Variants in SNTG1 observed in about 807,000 individuals in gnomAD.
The protein encoded by SNTG1 is gamma-1-syntrophin.
Under a neutral mutation model 74.7 loss-of-function variants are expected in SNTG1, and 39 were observed. The ratio of observed to expected loss-of-function variants is 0.52; its 90% CI spans 0.40 to 0.68. The LOEUF is 0.68. Ranked by LOEUF, SNTG1 falls within the 30% of genes least tolerant of loss-of-function variation. The pLI is 0.00. For synonymous variants in SNTG1, 254 were observed against 217.1 expected (o/e 1.17, Z -1.49); for missense variants, 685 against 609.5 (o/e 1.12, Z -1.30).
Position 50,553,198 on chromosome 8 carries a change from A to C in SNTG1, c.810+19A>C, listed in dbSNP as rs111484418. ...GCACAATGTAAGTAATGATTCAAGG[A>C]ATACCTAGCCAGGGTTTCTCAGGCT... is the stretch of plus-strand genomic sequence containing the variant. On this transcript the variant is annotated intron_variant, in intron 12 of 18. Transcript: ENST00000642720. The C allele has an allele frequency of 6.2e-7, 1 of 1,613,354 alleles. No individual in the cohort carries two copies. The highest frequency in any genetic ancestry group is 1.1e-5 in the South Asian group (1 of 91,062).
At chr8:50,434,369 T>C (rs1008747352) in intron 4 of SNTG1, among the ~76,000 whole-genome samples, 1 of 152,220 alleles carries the variant, frequency 6.6e-6, no homozygotes, top group African/African-American at 2.4e-5. Context: ...TGTGTCTTTA[T>C]AGCAGCATGA....
intron 1 of SNTG1, among the ~76,000 whole-genome samples, chr8:49,941,417 C>T (rs941294491): frequency 6.7e-5 from 10 of 149,848 alleles, no homozygotes; most frequent in African/African-American, 2.4e-4. Context: ...CTGACTTTTC[C>T]TCTGAAATTC....
chr8:50,610,875 A>G (rs1391137524), intron 13 of SNTG1, among the ~76,000 whole-genome samples: 1 of 152,010 alleles, frequency 6.6e-6, no homozygotes, highest in East Asian at 1.9e-4. Context: ...TTCCCAAATC[A>G]TTGTTCGTGA....
intron 2 of SNTG1, among the ~76,000 whole-genome samples, chr8:50,326,627 T>C (rs1337576328): frequency 1.3e-5 from 2 of 151,954 alleles, no homozygotes; most frequent in African/African-American, 4.8e-5. Flanking sequence ...ACTAATTTTA[T>C]TGATCTTTTC....
intron 15 of SNTG1, among the ~76,000 whole-genome samples, chr8:50,689,507 A>G (rs1417601081): frequency 2.0e-5 from 3 of 152,112 alleles, no homozygotes; most frequent in Non-Finnish European, 4.4e-5. Context: ...TGAGATAATC[A>G]TGTGGTTTTT....
intron 1 of SNTG1, among the ~76,000 whole-genome samples, chr8:50,042,720 C>T (rs1006575004): frequency 2.6e-5 from 4 of 151,482 alleles, no homozygotes; most frequent in African/African-American, 9.7e-5. Flanking sequence ...ACATGCCTGG[C>T]TAATTGACTT....
chr8:50,331,576 T>C (rs1370567402), intron 2 of SNTG1, among the ~76,000 whole-genome samples: 1 of 152,128 alleles, frequency 6.6e-6, no homozygotes, highest in East Asian at 1.9e-4. Flanking sequence ...CGAGAAGCCA[T>C]TGGCAATATT....
intron 1 of SNTG1, among the ~76,000 whole-genome samples, chr8:49,928,629 G>C (rs1371524183): frequency 6.6e-6 from 1 of 152,052 alleles, no homozygotes; most frequent in Non-Finnish European, 1.5e-5. Context: ...GAGCTATACA[G>C]GAACTCTCTG....
intron 1 of SNTG1, among the ~76,000 whole-genome samples, chr8:50,137,984 C>T (rs999010578): frequency 2.0e-5 from 3 of 152,160 alleles, no homozygotes; most frequent in African/African-American, 7.2e-5. Flanking sequence ...TCAGCCTTTC[C>T]ATTAATTATG....
At chr8:50,757,342 T>C (rs961234975) in intron 18 of SNTG1, among the ~76,000 whole-genome samples, 6 of 151,874 alleles carry the variant, frequency 4.0e-5, no homozygotes, top group African/African-American at 1.4e-4. Context: ...AGTTTAGCCT[T>C]ACATATTTGT....
chr8:50,157,516 C>A (rs1159243626), intron 1 of SNTG1, among the ~76,000 whole-genome samples: 3 of 151,968 alleles, frequency 2.0e-5, no homozygotes, highest in African/African-American at 7.3e-5. Context: ...ATTCAACACA[C>A]AATTAAAAAC....
intron 2 of SNTG1, among the ~76,000 whole-genome samples, chr8:50,281,823 G>C (rs545623474): frequency 1.3e-5 from 2 of 152,236 alleles, no homozygotes; most frequent in African/African-American, 4.8e-5. Context: ...AGCAAGAGTA[G>C]CAATTGAACG....
intron 2 of SNTG1, among the ~76,000 whole-genome samples, chr8:50,182,639 T>C (rs1418223967): frequency 6.6e-6 from 1 of 152,178 alleles, no homozygotes; most frequent in Non-Finnish European, 1.5e-5. Flanking sequence ...TCTGTGTGTG[T>C]GCGTGTGTGT....
intron 2 of SNTG1, among the ~76,000 whole-genome samples, chr8:50,303,270 A>C (rs1390704036): frequency 8.5e-5 from 13 of 152,142 alleles, no homozygotes; most frequent in Admixed American, 8.5e-4. Flanking sequence ...ACTGACTTTT[A>C]ATCACAACAT....
chr8:50,405,814 G>A (rs778216896), intron 4 of SNTG1, among the ~76,000 whole-genome samples: 4 of 151,924 alleles, frequency 2.6e-5, no homozygotes, highest in Non-Finnish European at 5.9e-5. Context: ...GTTAACTTCT[G>A]TACATAGCAT....
chr8:50,695,225 C>T (rs1401889046), intron 15 of SNTG1, among the ~76,000 whole-genome samples: 1 of 150,848 alleles, frequency 6.6e-6, no homozygotes, highest in Non-Finnish European at 1.5e-5. Context: ...ACAAAAAAAA[C>T]CGTTAAAAAT....
intron 15 of SNTG1, among the ~76,000 whole-genome samples, chr8:50,661,530 A>G (rs1311376226): frequency 6.6e-6 from 1 of 152,118 alleles, no homozygotes; most frequent in South Asian, 2.1e-4. Context: ...TATAAGCCTT[A>G]GTTTACTTGA....
chr8:50,630,976 A>T (rs944058384), intron 13 of SNTG1, among the ~76,000 whole-genome samples: 7 of 152,214 alleles, frequency 4.6e-5, no homozygotes, highest in Non-Finnish European at 7.3e-5. Flanking sequence ...CCTTTGTGAG[A>T]TGTACATATC....
chr8:50,190,025 T>C (rs1030712035), intron 2 of SNTG1, among the ~76,000 whole-genome samples: 1 of 152,180 alleles, frequency 6.6e-6, no homozygotes, highest in African/African-American at 2.4e-5. Context: ...TGTTTGAATG[T>C]TGATTACTCA....
Sources: gnomAD v4.1 joint callset for allele counts (sites outside exome capture counted in the v4.1 genomes callset) on GRCh38, gnomAD v4.1.1 for gene constraint, MANE v1.5 for transcripts, NCBI Gene and HGNC (gene_info 2026-07-23, HGNC 2026-07-21) for gene names.